Variants in MBOAT1 observed in about 807,000 individuals in gnomAD.
MBOAT1 encodes the protein membrane-bound glycerophospholipid O-acyltransferase 1.
MBOAT1 carries 67 observed loss-of-function variants against 64.4 expected under a neutral mutation model. The ratio of observed to expected loss-of-function variants is 1.04; its 90% confidence interval spans 0.85 to 1.27. The LOEUF is 1.27. Among genes scored for constraint, MBOAT1 ranks in the 50% most tolerant of loss-of-function variants. The probability of loss-of-function intolerance (pLI) is 0.00; values close to 1 mark genes in which losing one functional copy is unlikely to be tolerated. For missense variants in MBOAT1, 563 were observed against 604.6 expected (o/e 0.93, Z 0.72); for synonymous variants, 229 against 218.9 (o/e 1.05, Z -0.41).
chr6:20,110,228 T>C (rs1273171679), intron 11 of MBOAT1, among the ~76,000 whole-genome samples: 1 of 148,886 alleles, frequency 6.7e-6, no homozygotes, highest in African/African-American at 2.5e-5. Context: ...TTTTTTTTTT[T>C]TTAAATAAGA....
At chr6:20,115,442 A>G in intron 9 of MBOAT1, 90 bp from the exon 10 acceptor site, 1 of 1,027,316 alleles carries the variant, frequency 9.7e-7, no homozygotes, top group Non-Finnish European at 1.5e-6. Flanking sequence ...AGCAGGTTAG[A>G]TACTGTATTT....
rs1359286200 is a variant in MBOAT1, at chr6:20,100,473, T to C, written c.*1813A>G. Among the ~76,000 whole-genome samples, 1 of 152,116 alleles carries C rather than the reference T, an allele frequency of 6.6e-6. No individual in the cohort carries two copies. On this transcript the variant is annotated 3_prime_UTR_variant, in exon 13 of 13. Transcript: ENST00000324607. ...CCAAGATTTCCTTGTTAAAGTGGGG[T>C]GAGACTCATGCACTAGCTCACATCT...
At chr6:20,112,276 A>G (rs1001374173) in intron 11 of MBOAT1, among the ~76,000 whole-genome samples, 14 of 152,096 alleles carry the variant, frequency 9.2e-5, no homozygotes, top group African/African-American at 3.4e-4. Flanking sequence ...GCTCTACAAC[A>G]AGCAAATTGC....
At chr6:20,111,457 T>C (rs1043715554) in intron 11 of MBOAT1, among the ~76,000 whole-genome samples, 1 of 152,150 alleles carries the variant, frequency 6.6e-6, no homozygotes, top group African/African-American at 2.4e-5. Flanking sequence ...AAAAACACTG[T>C]TCTATCAACT....
chr6:20,195,580 C>G (rs768494438), intron 1 of MBOAT1, among the ~76,000 whole-genome samples: 7 of 150,486 alleles, frequency 4.7e-5, no homozygotes, highest in Non-Finnish European at 1.0e-4. Flanking sequence ...TTGTAGACCT[C>G]TCAGCTGACA....
intron 9 of MBOAT1, among the ~76,000 whole-genome samples, chr6:20,117,927 G>C (rs1037808061): frequency 1.6e-4 from 24 of 152,178 alleles, no homozygotes; most frequent in African/African-American, 5.8e-4. Flanking sequence ...TGTGGTGCAA[G>C]AATGAAGACA....
rs796284094 is a variant in MBOAT1, at chr6:20,100,942, TAGAAA to T, written c.*1339_*1343del. On this transcript the variant is annotated 3_prime_UTR_variant, in exon 13 of 13. Transcript: ENST00000324607. ...GGCCATAGCACATTCATAACAAAGA[TAGAAA>T]AGAAAACTTTCAATGTCTGCTTTCC... 6.6e-5 allele frequency among the ~76,000 whole-genome samples: 10 copies of T among 152,242 alleles called. No individual in the cohort carries two copies. Among genetic ancestry groups the T allele is most frequent in the African/African-American group, 2.2e-4 (9 of 41,566 alleles).
At chr6:20,186,152 C>T (rs1762647027) in intron 1 of MBOAT1, among the ~76,000 whole-genome samples, 1 of 152,206 alleles carries the variant, frequency 6.6e-6, no homozygotes, top group East Asian at 1.9e-4. Context: ...CACTGTACTC[C>T]AGCATGGGTC....
intron 12 of MBOAT1, among the ~76,000 whole-genome samples, chr6:20,108,531 C>T (rs993661217): frequency 2.6e-5 from 4 of 152,216 alleles, no homozygotes; most frequent in Non-Finnish European, 5.9e-5. Context: ...AATCATCCCA[C>T]TTATAGACAC....
chr6:20,109,519 C>G, intron 12 of MBOAT1, 79 bp downstream of exon 12: 1 of 1,526,442 alleles, frequency 6.6e-7, no homozygotes, highest in South Asian at 1.2e-5. Context: ...CTGCTTCATT[C>G]AATTTACTGC....
chr6:20,187,772 A>T (rs1367994300), intron 1 of MBOAT1, among the ~76,000 whole-genome samples: 14 of 152,212 alleles, frequency 9.2e-5, no homozygotes, highest in Admixed American at 9.2e-4. Flanking sequence ...CAGGAGGATC[A>T]CTTGAGGCCA....
At chr6:20,117,074 C>T (rs1022460373) in intron 9 of MBOAT1, among the ~76,000 whole-genome samples, 1 of 152,198 alleles carries the variant, frequency 6.6e-6, no homozygotes, top group Non-Finnish European at 1.5e-5. Context: ...GAAAGCTGGA[C>T]CTTGTCCACT....
intron 11 of MBOAT1, among the ~76,000 whole-genome samples, chr6:20,111,900 A>C (rs1760183040): frequency 1.4e-5 from 2 of 142,514 alleles, no homozygotes; most frequent in African/African-American, 2.7e-5. Context: ...ATATTCCAGC[A>C]CACCTGTGTC....
intron 1 of MBOAT1, among the ~76,000 whole-genome samples, chr6:20,211,395 A>G (rs2113783435): frequency 6.6e-6 from 1 of 152,304 alleles, no homozygotes; most frequent in African/African-American, 2.4e-5. Flanking sequence ...AGCCTGCAGC[A>G]CCTGAAGAGA....
chr6:20,155,662 A>C (rs182118790), intron 1 of MBOAT1, among the ~76,000 whole-genome samples: 5 of 152,232 alleles, frequency 3.3e-5, no homozygotes, highest in African/African-American at 9.6e-5. Context: ...GCAAGCCAAA[A>C]CCTAATTCAG....
intron 10 of MBOAT1, among the ~76,000 whole-genome samples, chr6:20,114,349 T>G (rs546447936): frequency 6.6e-6 from 1 of 152,204 alleles, no homozygotes; most frequent in Non-Finnish European, 1.5e-5. Flanking sequence ...GGACAGCATA[T>G]TATTATTTCT....
intron 9 of MBOAT1, 87 bp downstream of exon 9, chr6:20,118,350 T>C: frequency 9.5e-7 from 1 of 1,055,062 alleles, no homozygotes; most frequent in Non-Finnish European, 1.4e-6. Context: ...TTTGGACACA[T>C]GGATGAAGCA....
At chr6:20,117,054 A>C (rs1388192318) in intron 9 of MBOAT1, among the ~76,000 whole-genome samples, 1 of 152,262 alleles carries the variant, frequency 6.6e-6, no homozygotes, top group Non-Finnish European at 1.5e-5. Flanking sequence ...AAACTGAGAC[A>C]GGTCATTCTG....
intron 4 of MBOAT1, among the ~76,000 whole-genome samples, chr6:20,143,497 G>A (rs903720735): frequency 1.3e-5 from 2 of 152,186 alleles, no homozygotes; most frequent in African/African-American, 4.8e-5. Context: ...TTATTAACTA[G>A]CGAGAGATGA....
Sources: gnomAD v4.1 joint callset for allele counts (sites outside exome capture counted in the v4.1 genomes callset) on GRCh38, gnomAD v4.1.1 for gene constraint, MANE v1.5 for transcripts, NCBI Gene and HGNC (gene_info 2026-07-23, HGNC 2026-07-21) for gene names.